RAD54L2: variants seen among roughly 807,000 people sequenced by gnomAD.
RAD54L2 encodes the protein RAD54 like 2, also known as helicase ARIP4.
Under a neutral mutation model 138.4 loss-of-function variants are expected in RAD54L2, and 27 were observed. The ratio of observed to expected loss-of-function variants is 0.20; its 90% confidence interval spans 0.14 to 0.27. The LOEUF (loss-of-function observed/expected upper bound fraction) is 0.27. Among genes scored for constraint, RAD54L2 ranks in the 10% least tolerant of loss-of-function variants. The probability of loss-of-function intolerance (pLI) is 1.00; values close to 1 mark genes in which losing one functional copy is unlikely to be tolerated. For synonymous variants in RAD54L2, 644 were observed against 723.2 expected, an observed-to-expected ratio of 0.89 and a Z score of 1.76; for missense variants, 1,396 against 1,890.2, an observed-to-expected ratio of 0.74 and a Z score of 4.85.
chr3:51,627,422 G>C, intron 3 of RAD54L2, 131 bp from the exon 4 acceptor site: 1 of 787,532 alleles, frequency 1.3e-6, no homozygotes, highest in South Asian at 1.7e-5. Flanking sequence ...TGTTCAGAGA[G>C]ATATAAAGAA....
chr3:51,571,671 A>G (rs946475683), intron 2 of RAD54L2, among the ~76,000 whole-genome samples: 2 of 151,946 alleles, frequency 1.3e-5, no homozygotes, highest in African/African-American at 2.4e-5. Flanking sequence ...CCTGTCCTCA[A>G]ATAGCTTATT....
intron 3 of RAD54L2, among the ~76,000 whole-genome samples, chr3:51,593,583 C>T (rs1176790230): frequency 1.3e-5 from 2 of 152,116 alleles, no homozygotes; most frequent in East Asian, 1.9e-4. Context: ...CCGTCCGTCT[C>T]GGCCTCCCAA....
At chr3:51,582,864 C>T (rs1215758257) in intron 2 of RAD54L2, among the ~76,000 whole-genome samples, 1 of 151,870 alleles carries the variant, frequency 6.6e-6, no homozygotes, top group East Asian at 1.9e-4. Context: ...TTCCCGGGTT[C>T]ACGCCATTCT....
At chr3:51,542,577 T>A (rs1698581088) in intron 2 of RAD54L2, among the ~76,000 whole-genome samples, 1 of 151,994 alleles carries the variant, frequency 6.6e-6, no homozygotes. Flanking sequence ...TCCCTGGGAT[T>A]ACAGGCCTCC....
At chr3:51,581,583 T>C (rs531193436) in intron 2 of RAD54L2, among the ~76,000 whole-genome samples, 43 of 152,312 alleles carry the variant, frequency 2.8e-4, no homozygotes, top group African/African-American at 9.4e-4. Context: ...ATCTCCTCTG[T>C]GCGCAGCTTG....
chr3:51,609,698 TTGTGTGTGTGTGTGTGTGTG>T (rs5848928), intron 3 of RAD54L2, among the ~76,000 whole-genome samples: 6 of 141,180 alleles, frequency 4.2e-5, no homozygotes, highest in African/African-American at 7.9e-5. Context: ...TTGTGGGCAT[TTGTGTGTGTGTGTGTGTGTG>T]TGTGTGTGTG....
intron 19 of RAD54L2, among the ~76,000 whole-genome samples, chr3:51,647,181 A>C (rs1193269366): frequency 6.6e-6 from 1 of 151,972 alleles, no homozygotes; most frequent in Non-Finnish European, 1.5e-5. Context: ...TAATTATTTT[A>C]TTTGATGGGA....
rs1332730292 is a variant in RAD54L2 at position 51,597,570 on chromosome 3, G to A, written c.139+7011G>A. On this transcript the variant is annotated intron_variant, in intron 3 of 22. Coordinates refer to ENST00000684192, the MANE Select transcript of RAD54L2 (RefSeq NM_015106.4). ...TGGCTGGGCGCGGTGGCTCATGCCT[G>A]TAACTCCAGCACCTTGGGAGGCCAA... Among the ~76,000 whole-genome samples, 10 of 152,240 alleles carry A rather than the reference G, an allele frequency of 6.6e-5. No individual in the cohort carries two copies. The East Asian group carries it at 1.9e-3, about 29-fold the overall frequency.
At chr3:51,583,821 T>G (rs1699658759) in intron 2 of RAD54L2, among the ~76,000 whole-genome samples, 1 of 151,920 alleles carries the variant, frequency 6.6e-6, no homozygotes, top group East Asian at 1.9e-4. Context: ...TAAAAATCCA[T>G]TTTTTATCTT....
At chr3:51,653,872 GTA>G (rs1391738657) in intron 19 of RAD54L2, among the ~76,000 whole-genome samples, 1 of 152,174 alleles carries the variant, frequency 6.6e-6, no homozygotes, top group Non-Finnish European at 1.5e-5. Context: ...CATGGCACAT[GTA>G]TACATACGTA....
chr3:51,608,729 G>T (rs1437135402), intron 3 of RAD54L2, among the ~76,000 whole-genome samples: 1 of 152,216 alleles, frequency 6.6e-6, no homozygotes, highest in Admixed American at 6.5e-5. Context: ...GGCAGGCTGA[G>T]GCAGGAGAAT....
Position 51,639,685 on chromosome 3 carries a change from T to A in RAD54L2, c.2112+15T>A, listed in dbSNP as rs1701078241. On this transcript the variant is annotated intron_variant, in intron 13 of 22. Coordinates refer to ENST00000684192, the MANE Select transcript of RAD54L2 (RefSeq NM_015106.4). ...CATATGAATGGGTGAGTCAAGCAGA[T>A]CCTTCAGGAACCATAAACTATTGCT... 6.2e-7 allele frequency: 1 copy of A among 1,612,486 alleles called. No individual in the cohort carries two copies. Among genetic ancestry groups the A allele is most frequent in the African/African-American group, 1.3e-5 (1 of 74,900 alleles).
chr3:51,630,254 C>A lies in RAD54L2; in HGVS notation c.482-18C>A. 2 of 1,602,518 alleles carry A rather than the reference C, an allele frequency of 1.2e-6. No individual in the cohort carries two copies. Among genetic ancestry groups the A allele is most frequent in the Non-Finnish European group, 1.7e-6 (2 of 1,169,434 alleles). On this transcript the variant is annotated intron_variant, in intron 5 of 22. Coordinates refer to ENST00000684192, the MANE Select transcript of RAD54L2 (RefSeq NM_015106.4). Reference sequence around the variant, plus strand: ...AATGTGGTCTTGACACCGTTCCCTTCCATTTTGCTTTTCCTAGAGGAAATT... The same window carrying A: ...AATGTGGTCTTGACACCGTTCCCTTACATTTTGCTTTTCCTAGAGGAAATT...
chr3:51,543,670 C>A (rs1290908422), intron 2 of RAD54L2, among the ~76,000 whole-genome samples: 1 of 151,732 alleles, frequency 6.6e-6, no homozygotes, highest in African/African-American at 2.4e-5. Context: ...TAGACCCTGG[C>A]CTGTCTCTGC....
At chr3:51,656,772 CA>C (rs1701611136) in intron 20 of RAD54L2, among the ~76,000 whole-genome samples, 1 of 150,936 alleles carries the variant, frequency 6.6e-6, no homozygotes, top group African/African-American at 2.4e-5. Flanking sequence ...TTTTTGGAGA[CA>C]GAGTCTTGCT....
At chr3:51,561,572 T>C (rs1397127766) in intron 2 of RAD54L2, among the ~76,000 whole-genome samples, 1 of 151,894 alleles carries the variant, frequency 6.6e-6, no homozygotes, top group Non-Finnish European at 1.5e-5. Context: ...TTTTCTTTTT[T>C]TTTTTTTGAA....
At chr3:51,649,655 T>A (rs921857544) in intron 19 of RAD54L2, among the ~76,000 whole-genome samples, 2 of 152,150 alleles carry the variant, frequency 1.3e-5, no homozygotes, top group Non-Finnish European at 1.5e-5. Flanking sequence ...ACATTCTTAA[T>A]GAAAAGAATT....
In RAD54L2 at chr3:51,645,441, A is replaced by G. The variant is rs1430121116; in HGVS notation, c.2657-150A>G. 6.1e-6 allele frequency: 6 copies of G among 978,586 alleles called. No homozygotes were observed. Among genetic ancestry groups the G allele is most frequent in the Non-Finnish European group, 8.9e-6 (6 of 670,642 alleles). The allele number at this position is 978,586 out of a possible 1,614,324, so 60.6% of individuals were successfully genotyped here. A position where few individuals can be genotyped will look rare whatever the true frequency, so the allele number is the denominator to read the frequency against. On this transcript the variant is annotated intron_variant, in intron 17 of 22. Transcript: ENST00000684192. The surrounding 1 kb of genome is among the most constrained non-coding windows in gnomAD (Gnocchi z 6.1). The stretch of plus-strand genomic sequence containing the variant: ...TAATGATAACAGCCAAGCTCGTTAT[A>G]CAAGTTTTCCCCTTATATGATGTTT...
At chr3:51,655,777 G>T (rs760240835) in intron 19 of RAD54L2, among the ~76,000 whole-genome samples, 194 bp from the exon 20 acceptor site, 4 of 152,136 alleles carry the variant, frequency 2.6e-5, no homozygotes, top group Non-Finnish European at 5.9e-5. Flanking sequence ...TTATCCCTCT[G>T]CCTCTTTTGC....
Sources: gnomAD v4.1 joint callset for allele counts (sites outside exome capture counted in the v4.1 genomes callset) on GRCh38, gnomAD v4.1.1 for gene constraint, Gnocchi (gnomAD v3.1) non-coding constraint, MANE v1.5 for transcripts, NCBI Gene and HGNC (gene_info 2026-07-23, HGNC 2026-07-21) for gene names.